PADI1: variants seen among roughly 807,000 people sequenced by gnomAD.
The protein encoded by PADI1 is peptidyl arginine deiminase 1.
A neutral mutation model predicts 74.8 loss-of-function variants in PADI1; 65 were observed. The observed-to-expected ratio is 0.87, with a 90% CI of 0.71 to 1.07. PADI1 has a LOEUF of 1.07. PADI1 is among the 50% of genes least tolerant of loss of function. The probability of loss-of-function intolerance (pLI) is 0.00; values close to 1 mark genes in which losing one functional copy is unlikely to be tolerated. For missense variants in PADI1, 943 were observed against 854.0 expected, an observed-to-expected ratio of 1.10 and a Z score of -1.30; for synonymous variants, 371 against 336.2, an observed-to-expected ratio of 1.10 and a Z score of -1.13.
chr1:17,231,964 A>T (rs2072502075), intron 10 of PADI1, among the ~76,000 whole-genome samples: 1 of 151,630 alleles, frequency 6.6e-6, no homozygotes. Context: ...TTTGAGAAGG[A>T]GTCTCACACT....
At chr1:17,230,832 C>G (rs968038279) in intron 10 of PADI1, among the ~76,000 whole-genome samples, 153 bp downstream of exon 10, 7 of 152,162 alleles carry the variant, frequency 4.6e-5, no homozygotes, top group Admixed American at 3.9e-4. Context: ...AACTGGGGAG[C>G]CAGTGCGGAG....
At position 17,241,150 on chromosome 1, in the gene PADI1, C is replaced by G. The variant is rs539534868; in HGVS notation, c.1758+390C>G. On this transcript the variant is annotated intron_variant, in intron 15 of 15. Coordinates refer to ENST00000375471, the MANE Select transcript of PADI1 (RefSeq NM_013358.3). ...CTCAGCTGCCTGCTGTGTTCCCCACCACAGCCCCTCGCTTGCTGCTCCCCA... is the reference window on the plus strand; with the variant it reads ...CTCAGCTGCCTGCTGTGTTCCCCACGACAGCCCCTCGCTTGCTGCTCCCCA... Among the ~76,000 whole-genome samples the G allele has an allele frequency of 9.2e-4, 140 of 152,358 alleles. 1 individual carries two copies. The highest frequency in any genetic ancestry group is 3.3e-3 in the African/African-American group (138 of 41,578).
At position 17,239,730 on chromosome 1, in the gene PADI1, A is replaced by G. The variant is rs1258887227; in HGVS notation, c.1579A>G (p.Ile527Val). The stretch of plus-strand genomic sequence containing the variant: ...GTTAAAACACCAGGCAAAAAGAAGC[A>G]TTAATGAGATGCTGGCAGACAGACA... ...DGLKHQAKRS[I>V]NEMLADRHLQ... Residue 527 changes from isoleucine (I) to valine (V), a missense_variant, in exon 14 of 16, where the codon ATT (isoleucine) becomes GTT (valine). Coordinates refer to ENST00000375471, the MANE Select transcript of PADI1 (RefSeq NM_013358.3). 1.2e-6 allele frequency: 2 copies of G among 1,614,130 alleles called. No individual in the cohort carries two copies. Among genetic ancestry groups the G allele is most frequent in the Non-Finnish European group, 1.7e-6 (2 of 1,179,948 alleles).
Position 17,223,712 on chromosome 1 carries a change from G to GC in PADI1, c.346+20dup. ...GGCGTCGGTAAGTAGCAGCTCCCTG[G>GC]CTGCCCATCTATCCCTTTGCCCCTC... On this transcript the variant is annotated intron_variant, in intron 3 of 15. Coordinates refer to ENST00000375471, the MANE Select transcript of PADI1 (RefSeq NM_013358.3). The GC allele has an allele frequency of 6.2e-7, 1 of 1,607,788 alleles. No individual in the cohort carries two copies. Among genetic ancestry groups the GC allele is most frequent in the Non-Finnish European group, 8.5e-7 (1 of 1,174,620 alleles).
chr1:17,219,317 G>A (rs982600640), intron 1 of PADI1, among the ~76,000 whole-genome samples: 17 of 152,132 alleles, frequency 1.1e-4, no homozygotes, highest in East Asian at 3.9e-4. Context: ...AGTGGGGGGC[G>A]AGTAGAGAGG....
chr1:17,244,261 A>T lies in PADI1; in HGVS notation c.*18A>T. On this transcript the variant is annotated 3_prime_UTR_variant, in exon 16 of 16. Transcript: ENST00000375471. ...TGCCCTGAGCCTGCCCCCACCCGCC[A>T]TCCTCTCTGCCCTCTTGCTAGGGAA... is the stretch of plus-strand genomic sequence containing the variant. The T allele has an allele frequency of 6.3e-7, 1 of 1,580,392 alleles. No individual in the cohort carries two copies. Among genetic ancestry groups the T allele is most frequent in the Non-Finnish European group, 8.7e-7 (1 of 1,149,416 alleles).
chr1:17,240,566 G>A (rs932982176), intron 14 of PADI1, 69 bp from the exon 15 acceptor site: 53 of 1,565,032 alleles, frequency 3.4e-5, no homozygotes, highest in Middle Eastern at 1.7e-4. Flanking sequence ...CGGGCCCAGC[G>A]CACAGTAGGT....
chr1:17,235,414 G>A (rs374424940), intron 11 of PADI1, among the ~76,000 whole-genome samples: 5 of 152,248 alleles, frequency 3.3e-5, no homozygotes, highest in East Asian at 3.9e-4. Flanking sequence ...GAAAAAACTC[G>A]GTATGGGTGG....
chr1:17,237,802 G>A (rs974079117), intron 12 of PADI1, among the ~76,000 whole-genome samples: 2 of 152,154 alleles, frequency 1.3e-5, no homozygotes, highest in Admixed American at 6.5e-5. Context: ...TTTTACAAGC[G>A]AGGAAATTGA....
rs191445450 is a variant in PADI1 at position 17,214,341 on chromosome 1, C to T, written c.93-7949C>T. Among the ~76,000 whole-genome samples, 79 of 152,202 alleles carry T rather than the reference C, an allele frequency of 5.2e-4. 1 individual carries two copies. Among genetic ancestry groups the T allele is most frequent in the Admixed American group, 2.2e-3 (34 of 15,278 alleles). On this transcript the variant is annotated intron_variant, in intron 1 of 15. Coordinates refer to ENST00000375471, the MANE Select transcript of PADI1 (RefSeq NM_013358.3). ...GAAGAATGCAAAAGACCCCCCTGCC[C>T]CCCGCCCCATGACTTGGCCCAGCAG... is the stretch of plus-strand genomic sequence containing the variant.
At position 17,224,435 on chromosome 1, in the gene PADI1, C is replaced by T. The variant is rs1398311496; in HGVS notation, c.408+7C>T. On this transcript the variant is annotated splice_region_variant and intron_variant, in intron 4 of 15. Coordinates refer to ENST00000375471, the MANE Select transcript of PADI1 (RefSeq NM_013358.3). ...GAGGAGCCAAGGGGACAAGGTGAGA[C>T]CCTTCCGGGCACCCCAAGGCTGCGG... The T allele has an allele frequency of 6.2e-7, 1 of 1,611,278 alleles. No individual in the cohort carries two copies. The highest frequency in any genetic ancestry group is 1.7e-5 in the Admixed American group (1 of 59,894).
chr1:17,240,002 A>G, intron 14 of PADI1: 1 of 545,436 alleles, frequency 1.8e-6, no homozygotes, highest in Non-Finnish European at 3.3e-6. Flanking sequence ...CTAATGAGGG[A>G]GACCCGGCCC....
intron 14 of PADI1, 140 bp downstream of exon 14, chr1:17,239,923 G>A: frequency 1.5e-6 from 1 of 670,652 alleles, no homozygotes. Context: ...AGGTGGGATA[G>A]AGCCTCTGCC....
intron 6 of PADI1, among the ~76,000 whole-genome samples, chr1:17,226,954 GGCAAGAGGTGGA>G (rs1254726157): frequency 6.6e-6 from 1 of 151,900 alleles, no homozygotes; most frequent in Non-Finnish European, 1.5e-5. Context: ...CGGAGGTTAA[GGCAAGAGGTGGA>G]GCTTGCAGTG....
At chr1:17,214,676 G>A (rs541857297) in intron 1 of PADI1, among the ~76,000 whole-genome samples, 8 of 152,266 alleles carry the variant, frequency 5.3e-5, no homozygotes, top group Non-Finnish European at 7.4e-5. Context: ...GAAAGCTGGC[G>A]CAATACAGCC....
At chr1:17,235,293 G>GGAAGGAAGGAAGGAAGGAAGGAA (rs1557479110) in intron 11 of PADI1, among the ~76,000 whole-genome samples, 3 of 62,822 alleles carry the variant, frequency 4.8e-5, no homozygotes, top group African/African-American at 1.2e-4. Context: ...GAAGGAAGGA[G>GGAAGGAAGGAAGGAAGGAAGGAA]GGAAGGAAGG....
chr1:17,225,791 G>A lies in PADI1; in HGVS notation c.409-20G>A. On this transcript the variant is annotated intron_variant, in intron 4 of 15. Coordinates refer to ENST00000375471, the MANE Select transcript of PADI1 (RefSeq NM_013358.3). ...GCCTCCTGGGTCCCACTGATCCCAA[G>A]GCATCTTATTTTGCCACAGAAAACC... 1.9e-6 allele frequency: 3 copies of A among 1,597,740 alleles called. No individual in the cohort carries two copies. In the South Asian group the frequency reaches 3.3e-5, roughly 18 times the overall value.
At chr1:17,237,914 G>A (rs1235901498) in intron 12 of PADI1, among the ~76,000 whole-genome samples, 1 of 152,208 alleles carries the variant, frequency 6.6e-6, no homozygotes, top group Non-Finnish European at 1.5e-5. Flanking sequence ...CCTTGCAGAG[G>A]TGGCTTGGGA....
rs1234659693 is a variant in PADI1, at chr1:17,245,352, T to C, written c.*1109T>C. 1 of 152,656 alleles carries C rather than the reference T, an allele frequency of 6.6e-6. No individual in the cohort carries two copies. The highest frequency in any genetic ancestry group is 2.1e-4 in the South Asian group (1 of 4,828). The allele number at this position is 152,656 out of a possible 1,614,324, so 9.5% of individuals were successfully genotyped here. On this transcript the variant is annotated 3_prime_UTR_variant, in exon 16 of 16. Transcript: ENST00000375471. This position sits in a 1 kb window ranked among gnomAD's most constrained non-coding sequence, Gnocchi z 4.1. ...CTGAATAAACCGCTGTGCAGGCCCATGTCCCCTCCCACAGTAGGGAAGACA... is the reference window on the plus strand; with the variant it reads ...CTGAATAAACCGCTGTGCAGGCCCACGTCCCCTCCCACAGTAGGGAAGACA...
Sources: gnomAD v4.1 joint callset for allele counts (sites outside exome capture counted in the v4.1 genomes callset) on GRCh38, gnomAD v4.1.1 for gene constraint, Gnocchi (gnomAD v3.1) non-coding constraint, MANE v1.5 for transcripts, NCBI Gene and HGNC (gene_info 2026-07-23, HGNC 2026-07-21) for gene names.